The following CRNKL1 variants were observed in gnomAD, a reference collection of about 807,000 sequenced individuals.
CRNKL1 encodes the protein crooked neck-like protein 1.
In CRNKL1, 35 loss-of-function variants were observed where a neutral mutation model predicts 103.7. The ratio of observed to expected loss-of-function variants is 0.34; its 90% confidence interval spans 0.26 to 0.45. CRNKL1 has a LOEUF of 0.45. Ranked by LOEUF, CRNKL1 falls within the 20% of genes least tolerant of loss-of-function variation. The pLI is 1.00. For synonymous variants in CRNKL1, 267 were observed against 282.6 expected, an observed-to-expected ratio of 0.94 and a Z score of 0.55; for missense variants, 645 against 836.0, an observed-to-expected ratio of 0.77 and a Z score of 2.82.
intron 13 of CRNKL1, 92 bp from the exon 14 acceptor site, chr20:20,036,454 C>T: frequency 8.4e-7 from 1 of 1,195,716 alleles, no homozygotes; most frequent in South Asian, 1.4e-5. Context: ...CGGATGATTA[C>T]CTCCATTTTA....
upstream of CRNKL1, chr20:20,052,556 G>T: frequency 6.2e-7 from 1 of 1,614,156 alleles, no homozygotes; most frequent in Non-Finnish European, 8.5e-7. Flanking sequence ...CCTTGCGGCA[G>T]CGCGTGGAGT....
rs138020838 is a variant in CRNKL1, at chr20:20,039,014, C to T, written c.1546-564G>A. On this transcript the variant is annotated intron_variant, in intron 11 of 13. Transcript: ENST00000536226. ...GAACTCAGTGATACCCAAAGCCCTG[C>T]CTTAATTAATGCAATCAGGGGGCCA... Among the ~76,000 whole-genome samples, 869 of 152,278 alleles carry T rather than the reference C, an allele frequency of 5.7e-3. 4 individuals carry two copies. The highest frequency in any genetic ancestry group is 8.4e-3 in the Non-Finnish European group (572 of 68,016).
At chr20:20,037,644 G>A (rs1342354103) in intron 12 of CRNKL1, 73 bp from the exon 13 acceptor site, 7 of 1,441,456 alleles carry the variant, frequency 4.9e-6, no homozygotes, top group South Asian at 2.6e-5. Context: ...ATAATAAAGC[G>A]AATTCCCAGT....
upstream of CRNKL1, among the ~76,000 whole-genome samples, chr20:20,055,766 A>T (rs1417935526): frequency 1.3e-5 from 2 of 152,226 alleles, no homozygotes; most frequent in Non-Finnish European, 2.9e-5. Context: ...ATTTATGGTT[A>T]GCTTCGATAG....
At position 20,036,291 on chromosome 20, in the gene CRNKL1, T is replaced by A. The variant is rs2043417831; in HGVS notation, c.1968A>T (p.Lys656Asn). The change falls in exon 14 of 14, where the codon AAA (lysine) becomes AAT (asparagine). Residue 656 changes from lysine to asparagine, a missense_variant. By Grantham distance (94) the Lys-to-Asn change is moderately conservative. Transcript: ENST00000536226. ...PEDAANQPNL[K>N]LLAMAKLWKK... ...TCCACAGTTTGGCCATGGCCAGGAGTTTGAGGTTAGGTTGGTTGGCAGCAT... is the reference window on the plus strand; with the variant it reads ...TCCACAGTTTGGCCATGGCCAGGAGATTGAGGTTAGGTTGGTTGGCAGCAT... 1 of 1,614,000 alleles carries A rather than the reference T, an allele frequency of 6.2e-7. No homozygotes were observed. Among genetic ancestry groups the A allele is most frequent in the African/African-American group, 1.3e-5 (1 of 74,904 alleles).
At chr20:20,043,239 C>T (rs1266265925) in intron 7 of CRNKL1, among the ~76,000 whole-genome samples, 1 of 152,184 alleles carries the variant, frequency 6.6e-6, no homozygotes, top group East Asian at 1.9e-4. Context: ...TCCAGTTCTA[C>T]ATACAGTCAA....
At chr20:20,043,766 A>G in intron 6 of CRNKL1, 104 bp from the exon 7 acceptor site, 1 of 1,057,412 alleles carries the variant, frequency 9.5e-7, no homozygotes, top group Non-Finnish European at 1.4e-6. Flanking sequence ...TTAGATTTTG[A>G]GGCCTCATAA....
At chr20:20,043,244 A>G (rs1019495205) in intron 7 of CRNKL1, among the ~76,000 whole-genome samples, 5 of 152,214 alleles carry the variant, frequency 3.3e-5, no homozygotes, top group Admixed American at 1.3e-4. Flanking sequence ...TTCTACATAC[A>G]GTCAACAATC....
chr20:20,051,046 T>C (rs2043706456), intron 1 of CRNKL1, among the ~76,000 whole-genome samples: 1 of 152,236 alleles, frequency 6.6e-6, no homozygotes, highest in Non-Finnish European at 1.5e-5. Flanking sequence ...GGTTTGGTTT[T>C]ACATGGCACT....
At chr20:20,054,438 TACAC>T (rs1001861073), upstream of CRNKL1, among the ~76,000 whole-genome samples, 5 of 151,642 alleles carry the variant, frequency 3.3e-5, no homozygotes, top group African/African-American at 1.2e-4. Context: ...CATACACATA[TACAC>T]ACACACATTT....
chr20:20,053,379 C>T (rs1434133952), upstream of CRNKL1, among the ~76,000 whole-genome samples: 1 of 152,150 alleles, frequency 6.6e-6, no homozygotes, highest in Non-Finnish European at 1.5e-5. Context: ...TTAAAAATAT[C>T]CTCCACCAGA....
At chr20:20,041,533 T>A in intron 9 of CRNKL1, 33 bp downstream of exon 9, 1 of 1,533,548 alleles carries the variant, frequency 6.5e-7, no homozygotes, top group South Asian at 1.1e-5. Flanking sequence ...GATTCTGACC[T>A]GTTTGAAATG....
chr20:20,039,297 C>A (rs994095292), intron 11 of CRNKL1, among the ~76,000 whole-genome samples: 1 of 152,318 alleles, frequency 6.6e-6, no homozygotes, highest in South Asian at 2.1e-4. Flanking sequence ...AGCCTGCTGG[C>A]TTCTTCCTTG....
rs569630377 is a variant in CRNKL1 at position 20,037,500 on chromosome 20, A to G, written c.1719T>C (p.Ile573=). Residue 573 remains isoleucine (I), a synonymous_variant, in exon 13 of 14, where the codon ATT becomes ATC. Transcript: ENST00000536226. ...KEGSLTKCRQ[I]YEEANKTMRN... ...GCATGGTTTTGTTAGCTTCTTCATA[A>G]ATTTGTCTGCATTTAGTCAAACTTC... 6.2e-7 allele frequency: 1 copy of G among 1,614,166 alleles called. No individual in the cohort carries two copies. Among genetic ancestry groups the G allele is most frequent in the Non-Finnish European group, 8.5e-7 (1 of 1,180,036 alleles).
intron 8 of CRNKL1, 133 bp downstream of exon 8, chr20:20,042,192 G>C (rs1486286667): frequency 6.6e-6 from 5 of 756,514 alleles, no homozygotes. Context: ...TAACTGTATG[G>C]ATGAACAGAA....
chr20:20,040,710 A>T lies in CRNKL1; in HGVS notation c.1281T>A (p.Asn427Lys), dbSNP rs905119335. Residue 427 changes from asparagine to lysine, a missense_variant, in exon 10 of 14, where the codon AAT (asparagine) becomes AAA (lysine). By Grantham distance (94) the Asn-to-Lys change is moderately conservative (BLOSUM62 0). Around this residue, in one of 2 missense-constraint regions of CRNKL1, gnomAD observed 582 missense variants for 707.7 expected, o/e 0.82. Coordinates refer to ENST00000536226, the MANE Select transcript of CRNKL1 (RefSeq NM_001278628.2). The part of the protein sequence containing the change: ...LYAQFEIRQK[N>K]LSLARRALGT... ...CCAATGCTCTTCTGGCTAATGACAG[A>T]TTCTTCTGTCGTATTTCAAACTGTG... The T allele has an allele frequency of 6.2e-7, 1 of 1,611,878 alleles. No individual in the cohort carries two copies. The highest frequency in any genetic ancestry group is 1.3e-5 in the African/African-American group (1 of 75,028).
upstream of CRNKL1, among the ~76,000 whole-genome samples, chr20:20,052,926 T>A (rs1052615343): frequency 7.9e-6 from 1 of 127,122 alleles, no homozygotes; most frequent in African/African-American, 2.9e-5. Context: ...CAAATAATTC[T>A]AAGGTGCCCA....
intron 4 of CRNKL1, 110 bp from the exon 5 acceptor site, chr20:20,048,041 G>C (rs1430265457): frequency 9.2e-6 from 12 of 1,307,642 alleles, no homozygotes; most frequent in African/African-American, 3.0e-5. Context: ...AACATGTTTT[G>C]TCATTTGTAT....
In CRNKL1 at chr20:20,036,050, G is replaced by C; in HGVS notation, c.*145C>G. The C allele has an allele frequency of 1.2e-6, 1 of 845,464 alleles. No individual in the cohort carries two copies. Among genetic ancestry groups the C allele is most frequent in the Non-Finnish European group, 1.8e-6 (1 of 569,190 alleles). 52.4% of individuals were successfully genotyped at this position (845,464 alleles called of 1,614,324 possible). A position where few individuals can be genotyped will look rare whatever the true frequency, so the allele number is the denominator to read the frequency against. ...ATCCCTACCCCTAGCTAACCCAAGA[G>C]CATTTAAAAAATAACTTAAAAAGTA... On this transcript the variant is annotated 3_prime_UTR_variant, in exon 14 of 14. Coordinates refer to ENST00000536226, the MANE Select transcript of CRNKL1 (RefSeq NM_001278628.2).
Sources: allele counts gnomAD v4.1 joint callset (sites outside exome capture counted in the v4.1 genomes callset), GRCh38; gene constraint gnomAD v4.1.1; regional missense constraint gnomAD v4.1.1; transcripts MANE v1.5; gene names NCBI Gene and HGNC (gene_info 2026-07-23, HGNC 2026-07-21).